The following MAP4K3 variants were observed in gnomAD, a reference collection of about 807,000 sequenced individuals.
MAP4K3 encodes the protein mitogen-activated protein kinase kinase kinase kinase 3.
A neutral mutation model predicts 143.5 loss-of-function variants in MAP4K3; 94 were observed. The ratio of observed to expected loss-of-function variants is 0.65; its 90% CI spans 0.55 to 0.78. MAP4K3 has a LOEUF of 0.78. MAP4K3 is among the 30% of genes least tolerant of loss of function. The pLI, the probability that MAP4K3 is intolerant of heterozygous loss-of-function variation, is 0.00. For synonymous variants in MAP4K3, 416 were observed against 347.2 expected (o/e 1.20, Z -2.20); for missense variants, 1,077 against 1,068.1 (o/e 1.01, Z -0.12).
intron 29 of MAP4K3, among the ~76,000 whole-genome samples, chr2:39,259,380 T>C (rs1191480276): frequency 6.6e-6 from 1 of 152,102 alleles, no homozygotes; most frequent in Non-Finnish European, 1.5e-5. Context: ...AATGCTCAAG[T>C]CTGGTAATTG....
intron 2 of MAP4K3, among the ~76,000 whole-genome samples, chr2:39,360,820 G>A (rs1437055910): frequency 6.6e-6 from 1 of 151,996 alleles, no homozygotes; most frequent in African/African-American, 2.4e-5. Context: ...CAGCAGCAGG[G>A]GGTAACTGCC....
At chr2:39,414,435 A>AT (rs1312227160) in intron 1 of MAP4K3, among the ~76,000 whole-genome samples, 2 of 152,162 alleles carry the variant, frequency 1.3e-5, no homozygotes, top group East Asian at 1.9e-4. Context: ...TGTTAGGCAA[A>AT]TTTTTTAGAA....
intron 1 of MAP4K3, among the ~76,000 whole-genome samples, chr2:39,393,638 T>C (rs1041722849): frequency 1.3e-5 from 2 of 152,200 alleles, no homozygotes; most frequent in Non-Finnish European, 2.9e-5. Flanking sequence ...TTTTTTAAGA[T>C]CACTTATGTT....
intron 19 of MAP4K3, among the ~76,000 whole-genome samples, chr2:39,289,167 T>C (rs562688437): frequency 4.6e-5 from 7 of 152,338 alleles, no homozygotes; most frequent in Middle Eastern, 3.4e-3. Context: ...TACAGTTGGC[T>C]GACGGTTTGT....
chr2:39,269,599 C>T lies in MAP4K3; in HGVS notation c.1974-2352G>A, dbSNP rs145327854. Among the ~76,000 whole-genome samples, 786 of 151,876 alleles carry T rather than the reference C, an allele frequency of 5.2e-3. 4 individuals are homozygous for T. Among genetic ancestry groups the T allele is most frequent in the Non-Finnish European group, 8.8e-3 (601 of 67,946 alleles). On this transcript the variant is annotated intron_variant, in intron 26 of 33. Coordinates refer to ENST00000263881, the MANE Select transcript of MAP4K3 (RefSeq NM_003618.4). ...AGGCAATTCTCCTGCCTCAGCCTCC[C>T]AGGTAGCTGGAACTACAGGCTGTAT...
intron 16 of MAP4K3, among the ~76,000 whole-genome samples, chr2:39,295,622 C>CT: frequency 6.6e-6 from 1 of 150,512 alleles, no homozygotes; most frequent in Middle Eastern, 3.5e-3. Context: ...TGAGATATTT[C>CT]TTTTTACAAT....
intron 24 of MAP4K3, among the ~76,000 whole-genome samples, chr2:39,275,723 C>T (rs1387714240): frequency 6.6e-6 from 1 of 152,138 alleles, no homozygotes; most frequent in African/African-American, 2.4e-5. Context: ...CACTGTACAC[C>T]ATTTCCAGAT....
intron 16 of MAP4K3, 144 bp downstream of exon 16, chr2:39,299,599 A>G (rs916972968): frequency 1.9e-5 from 8 of 431,742 alleles, no homozygotes; most frequent in Non-Finnish European, 3.3e-5. Context: ...ATGAGCAAGG[A>G]AGCAATGGAA....
intron 1 of MAP4K3, among the ~76,000 whole-genome samples, chr2:39,384,036 C>T (rs1412687169): frequency 6.6e-6 from 1 of 151,568 alleles, no homozygotes; most frequent in Admixed American, 6.6e-5. Context: ...ATCAATTGAG[C>T]CCAAGAGATC....
chr2:39,333,948 T>G (rs575612349), intron 6 of MAP4K3, among the ~76,000 whole-genome samples: 2 of 148,348 alleles, frequency 1.3e-5, no homozygotes, highest in African/African-American at 4.9e-5. Context: ...AACTTGATTA[T>G]TGTTTCCCAT....
intron 1 of MAP4K3, among the ~76,000 whole-genome samples, chr2:39,384,691 G>C (rs971633025): frequency 3.3e-5 from 5 of 152,200 alleles, no homozygotes; most frequent in African/African-American, 1.2e-4. Context: ...TGTGGCCAGT[G>C]CAAGTGAAAA....
At chr2:39,391,042 T>C (rs1415536356) in intron 1 of MAP4K3, among the ~76,000 whole-genome samples, 3 of 151,996 alleles carry the variant, frequency 2.0e-5, no homozygotes, top group East Asian at 3.9e-4. Flanking sequence ...AAAAGAGTTA[T>C]TGGTTAAGTA....
chr2:39,290,441 A>G (rs1333271250), intron 18 of MAP4K3, 107 bp from the exon 19 acceptor site: 3 of 684,742 alleles, frequency 4.4e-6, no homozygotes, highest in Non-Finnish European at 7.3e-6. Context: ...AAAGACAAAT[A>G]TCATTTTCTA....
intron 1 of MAP4K3, among the ~76,000 whole-genome samples, chr2:39,421,144 G>C (rs968349890): frequency 6.6e-6 from 1 of 152,102 alleles, no homozygotes; most frequent in Non-Finnish European, 1.5e-5. Flanking sequence ...CCATCAAGTA[G>C]CTCACTATCT....
intron 15 of MAP4K3, among the ~76,000 whole-genome samples, chr2:39,302,672 A>C (rs1682555862): frequency 6.6e-6 from 1 of 152,230 alleles, no homozygotes; most frequent in Non-Finnish European, 1.5e-5. Flanking sequence ...ATTCTTTACA[A>C]GCTAAACAAG....
chr2:39,254,303 G>A, intron 32 of MAP4K3, 147 bp downstream of exon 32: 1 of 592,852 alleles, frequency 1.7e-6, no homozygotes, highest in Non-Finnish European at 3.0e-6. Flanking sequence ...CATAGAGTAT[G>A]GGCTACTGAC....
intron 4 of MAP4K3, among the ~76,000 whole-genome samples, chr2:39,339,162 C>T (rs1487047541): frequency 6.6e-6 from 1 of 152,116 alleles, no homozygotes; most frequent in Non-Finnish European, 1.5e-5. Flanking sequence ...GTTTGGAGTA[C>T]TTGTGGTATT....
At chr2:39,379,962 T>G (rs1220595286) in intron 1 of MAP4K3, among the ~76,000 whole-genome samples, 1 of 152,104 alleles carries the variant, frequency 6.6e-6, no homozygotes. Context: ...CAGCATATAT[T>G]TAACAGAAAA....
chr2:39,324,528 A>G (rs1487284615), intron 12 of MAP4K3, among the ~76,000 whole-genome samples: 1 of 152,240 alleles, frequency 6.6e-6, no homozygotes, highest in African/African-American at 2.4e-5. Context: ...ACAAAAGGAC[A>G]AATAGCTTAT....
Sources: gnomAD v4.1 joint callset for allele counts (sites outside exome capture counted in the v4.1 genomes callset) on GRCh38, gnomAD v4.1.1 for gene constraint, MANE v1.5 for transcripts, NCBI Gene and HGNC (gene_info 2026-07-23, HGNC 2026-07-21) for gene names.